Variants in MEF2A observed in about 807,000 individuals in gnomAD.
MEF2A encodes myocyte-specific enhancer factor 2A.
In MEF2A, 28 loss-of-function variants were observed where a neutral mutation model predicts 55.8. That is an observed-to-expected ratio of 0.50 (90% CI 0.37 to 0.69). MEF2A has a LOEUF of 0.69. Among genes scored for constraint, MEF2A ranks in the 30% least tolerant of loss-of-function variants. The pLI is 0.00. For synonymous variants in MEF2A, 239 were observed against 227.1 expected, an observed-to-expected ratio of 1.05 and a Z score of -0.47; for missense variants, 528 against 626.2, an observed-to-expected ratio of 0.84 and a Z score of 1.67.
intron 2 of MEF2A, among the ~76,000 whole-genome samples, chr15:99,631,183 A>G (rs1401659318): frequency 1.3e-5 from 2 of 152,218 alleles, no homozygotes; most frequent in African/African-American, 2.4e-5. Context: ...TTTAGGTGAT[A>G]TAAGGTAGTA....
intron 7 of MEF2A, among the ~76,000 whole-genome samples, chr15:99,689,576 G>T (rs1468755796): frequency 6.6e-6 from 1 of 152,144 alleles, no homozygotes; most frequent in Admixed American, 6.5e-5. Context: ...CGTCTCCCGG[G>T]TTCAAGTGAT....
chr15:99,709,281 T>C (rs1009079855), intron 10 of MEF2A, among the ~76,000 whole-genome samples: 2 of 152,222 alleles, frequency 1.3e-5, no homozygotes, highest in African/African-American at 4.8e-5. Flanking sequence ...CATGGGCTTC[T>C]GCACGAGCTG....
chr15:99,635,777 G>C (rs528750342), intron 3 of MEF2A, among the ~76,000 whole-genome samples: 10 of 152,160 alleles, frequency 6.6e-5, no homozygotes, highest in Non-Finnish European at 1.3e-4. Context: ...CATTTTCATT[G>C]ATGTATAATC....
At chr15:99,587,782 T>C (rs932111093) in intron 1 of MEF2A, among the ~76,000 whole-genome samples, 1 of 152,210 alleles carries the variant, frequency 6.6e-6, no homozygotes, top group African/African-American at 2.4e-5. Context: ...AATAGTGATC[T>C]TGTATCCTAT....
chr15:99,652,113 A>G (rs1447606737), intron 4 of MEF2A, among the ~76,000 whole-genome samples: 4 of 152,194 alleles, frequency 2.6e-5, no homozygotes, highest in African/African-American at 9.7e-5. Context: ...GGATGGAGAT[A>G]AAGTTGCTCT....
intron 1 of MEF2A, among the ~76,000 whole-genome samples, chr15:99,590,835 A>G (rs542870980): frequency 2.6e-4 from 40 of 152,160 alleles, no homozygotes; most frequent in African/African-American, 7.7e-4. Flanking sequence ...CATTATTACT[A>G]CTTTTGCTTT....
chr15:99,591,316 G>GT (rs1031007554), intron 1 of MEF2A, among the ~76,000 whole-genome samples: 29 of 151,596 alleles, frequency 1.9e-4, no homozygotes, highest in African/African-American at 3.6e-4. Context: ...AGCTTACAGA[G>GT]TTTTTTTTTG....
chr15:99,697,433 A>G (rs1250077654), intron 8 of MEF2A, among the ~76,000 whole-genome samples: 1 of 152,030 alleles, frequency 6.6e-6, no homozygotes, highest in African/African-American at 2.4e-5. Context: ...ATTATATGCC[A>G]GCAGTGAACA....
chr15:99,645,543 A>T lies in MEF2A; in HGVS notation c.55-18A>T, dbSNP rs2045829102. On this transcript the variant is annotated intron_variant, in intron 3 of 11. Coordinates refer to ENST00000557942, the MANE Select transcript of MEF2A (RefSeq NM_001319206.4). ...CTACTAATGCTTTTAATAAAAATAT[A>T]CCTTTTTTATTGTTTAGGTCACTTT... 6.4e-7 allele frequency: 1 copy of T among 1,552,004 alleles called. No individual in the cohort carries two copies. Among genetic ancestry groups the T allele is most frequent in the African/African-American group, 1.4e-5 (1 of 73,394 alleles).
chr15:99,619,405 G>A (rs1288801787), intron 2 of MEF2A, among the ~76,000 whole-genome samples: 1 of 152,160 alleles, frequency 6.6e-6, no homozygotes, highest in Non-Finnish European at 1.5e-5. Flanking sequence ...TAGCATCTGC[G>A]ACCTTGGCGG....
chr15:99,594,390 T>A (rs1389144503), intron 1 of MEF2A, among the ~76,000 whole-genome samples: 1 of 151,944 alleles, frequency 6.6e-6, no homozygotes, highest in East Asian at 1.9e-4. Flanking sequence ...CTCTATCTGG[T>A]TGTGCTACCG....
chr15:99,659,367 A>G (rs1356995510), intron 4 of MEF2A, among the ~76,000 whole-genome samples: 2 of 152,152 alleles, frequency 1.3e-5, no homozygotes, highest in East Asian at 3.8e-4. Flanking sequence ...TAGAATTTAG[A>G]GAAGCCATAG....
At chr15:99,566,709 G>A (rs1959727921) in intron 1 of MEF2A, 1 of 152,344 alleles carries the variant, frequency 6.6e-6, no homozygotes. Flanking sequence ...ACTTGAAGAA[G>A]TTCCCCCACT....
intron 1 of MEF2A, among the ~76,000 whole-genome samples, chr15:99,577,485 C>T (rs973942501): frequency 1.3e-5 from 2 of 151,952 alleles, no homozygotes; most frequent in Non-Finnish European, 2.9e-5. Context: ...TAGATGTGTA[C>T]GATGCAGAGT....
Position 99,605,863 on chromosome 15 carries a change from A to G in MEF2A, c.-143+7352A>G, listed in dbSNP as rs577327446. On this transcript the variant is annotated intron_variant, in intron 2 of 11. Transcript: ENST00000557942. ...CGCATGCCTGTAGTCGCAGCCACTC[A>G]GCAGGCTTAGGCAGGAGGATCACTT... Among the ~76,000 whole-genome samples the G allele has an allele frequency of 7.9e-5, 12 of 152,206 alleles. No individual in the cohort carries two copies. In the South Asian group the frequency reaches 2.3e-3, roughly 29 times the overall value.
intron 10 of MEF2A, among the ~76,000 whole-genome samples, chr15:99,709,893 C>T (rs939778736): frequency 5.3e-5 from 8 of 152,146 alleles, no homozygotes; most frequent in African/African-American, 1.4e-4. Context: ...TAAACAAATG[C>T]GCTTACTAAT....
intron 3 of MEF2A, among the ~76,000 whole-genome samples, chr15:99,638,831 C>T (rs1034230362): frequency 6.6e-6 from 1 of 152,030 alleles, no homozygotes; most frequent in Non-Finnish European, 1.5e-5. Context: ...TTTGACATGT[C>T]TAGTGGTTTT....
At chr15:99,635,542 T>C (rs1453375563) in intron 3 of MEF2A, among the ~76,000 whole-genome samples, 1 of 152,192 alleles carries the variant, frequency 6.6e-6, no homozygotes, top group African/African-American at 2.4e-5. Flanking sequence ...AAGAAGACCG[T>C]GTAGCCAGCA....
Position 99,712,536 on chromosome 15 carries a change from AGCCGCC to A in MEF2A, c.1287_1292del (p.Pro432_Pro433del), listed in dbSNP as rs759657998. ...CAGCAGCAGCAGCAGCAGCAGCAGC[AGCCGCC>A]GCCACCACCGCAGCCCCAGCCACAA... On this transcript the variant is annotated inframe_deletion, in exon 12 of 12. Coordinates refer to ENST00000557942, the MANE Select transcript of MEF2A (RefSeq NM_001319206.4). This position sits in a 1 kb window ranked among gnomAD's most constrained non-coding sequence, Gnocchi z 4.1. The A allele has an allele frequency of 1.0e-5, 14 of 1,379,998 alleles. No homozygotes were observed. Among genetic ancestry groups the A allele is most frequent in the South Asian group, 5.1e-5 (4 of 78,964 alleles). 85.5% of individuals were successfully genotyped at this position (1,379,998 alleles called of 1,614,324 possible).
Sources: gnomAD v4.1 joint callset for allele counts (sites outside exome capture counted in the v4.1 genomes callset) on GRCh38, gnomAD v4.1.1 for gene constraint, Gnocchi (gnomAD v3.1) non-coding constraint, MANE v1.5 for transcripts, NCBI Gene and HGNC (gene_info 2026-07-23, HGNC 2026-07-21) for gene names.